The following MYH13 variants were observed in gnomAD, a reference collection of about 807,000 sequenced individuals.
The protein encoded by MYH13 is myosin-13.
MYH13 carries 177 observed loss-of-function variants against 232.1 expected under a neutral mutation model. The ratio of observed to expected loss-of-function variants is 0.76; its 90% CI spans 0.67 to 0.86. MYH13 has a LOEUF of 0.86. MYH13 is among the 40% of genes least tolerant of loss of function. The pLI, the probability that MYH13 is intolerant of heterozygous loss-of-function variation, is 0.00. For missense variants in MYH13, 2,246 were observed against 2,405.9 expected, an observed-to-expected ratio of 0.93 and a Z score of 1.39; for synonymous variants, 884 against 923.5, an observed-to-expected ratio of 0.96 and a Z score of 0.78.
rs926000508 is a variant in MYH13 at position 10,311,330 on chromosome 17, A to T, written c.4532-103T>A. 5 of 1,425,892 alleles carry T rather than the reference A, an allele frequency of 3.5e-6. No individual in the cohort carries two copies. The South Asian group carries it at 6.6e-5, about 19-fold the overall frequency. The allele number at this position is 1,425,892 out of a possible 1,614,324, so 88.3% of individuals were successfully genotyped here. ...GATGGGCGATTCATTCATGACATTT[A>T]TACAGGAGAGAATACAGGGCAGCCG... is the stretch of plus-strand genomic sequence containing the variant. On this transcript the variant is annotated intron_variant, in intron 32 of 40. Transcript: ENST00000252172.
At chr17:10,368,496 T>A (rs2071854803) in intron 2 of MYH13, among the ~76,000 whole-genome samples, 1 of 152,236 alleles carries the variant, frequency 6.6e-6, no homozygotes, top group Admixed American at 6.5e-5. Context: ...CATCAAACTT[T>A]GGTGGACTTC....
chr17:10,329,756 G>A (rs1242643911), intron 21 of MYH13, among the ~76,000 whole-genome samples: 1 of 152,012 alleles, frequency 6.6e-6, no homozygotes, highest in African/African-American at 2.4e-5. Context: ...GCCAAGGCGG[G>A]CGGATCACCT....
At chr17:10,361,419 G>A (rs1367774246) in intron 5 of MYH13, among the ~76,000 whole-genome samples, 1 of 151,904 alleles carries the variant, frequency 6.6e-6, no homozygotes, top group Admixed American at 6.6e-5. Flanking sequence ...AGCCTCCTGA[G>A]TAGCTGGGAT....
Position 10,304,660 on chromosome 17 carries a change from C to G in MYH13, c.5467-1162G>C, listed in dbSNP as rs1002460309. ...TGATAGACCCAAAGCAAGTCAGTCG[C>G]CACCACTGAGCATGAGTTTCTGTAT... On this transcript the variant is annotated intron_variant, in intron 37 of 40. Coordinates refer to ENST00000252172, the MANE Select transcript of MYH13 (RefSeq NM_003802.3). The surrounding 1 kb of genome is among the most constrained non-coding windows in gnomAD (Gnocchi z 5.3). Among the ~76,000 whole-genome samples the G allele has an allele frequency of 4.6e-5, 7 of 152,332 alleles. No homozygotes were observed. The East Asian group carries it at 1.3e-3, about 29-fold the overall frequency.
chr17:10,357,532 G>A (rs981174132), intron 8 of MYH13, among the ~76,000 whole-genome samples: 3 of 152,110 alleles, frequency 2.0e-5, no homozygotes, highest in African/African-American at 4.8e-5. Context: ...AGGGTAGGAC[G>A]GCAAATCCTC....
intron 35 of MYH13, among the ~76,000 whole-genome samples, chr17:10,307,634 G>T (rs1266562623): frequency 2.0e-5 from 3 of 152,126 alleles, no homozygotes; most frequent in African/African-American, 7.2e-5. Flanking sequence ...ACTCAGTGAG[G>T]TATGTTTCAG....
chr17:10,365,577 C>G (rs1051564960), intron 2 of MYH13, among the ~76,000 whole-genome samples: 11 of 152,226 alleles, frequency 7.2e-5, no homozygotes, highest in Non-Finnish European at 5.9e-5. Context: ...GGCATAGTGC[C>G]TTCCTGTTCC....
chr17:10,320,128 A>T (rs1326496511), intron 26 of MYH13, 25 bp downstream of exon 26: 2 of 1,540,720 alleles, frequency 1.3e-6, no homozygotes, highest in Non-Finnish European at 1.8e-6. Flanking sequence ...GATTGTCATG[A>T]TTGGGAAGGT....
At chr17:10,313,807 A>C (rs919890926) in intron 29 of MYH13, among the ~76,000 whole-genome samples, 1 of 152,170 alleles carries the variant, frequency 6.6e-6, no homozygotes, top group Non-Finnish European at 1.5e-5. Flanking sequence ...AAAGGGAATA[A>C]TTTTCTCACT....
intron 18 of MYH13, among the ~76,000 whole-genome samples, chr17:10,336,767 G>GT (rs2071578622): frequency 6.6e-6 from 1 of 152,068 alleles, no homozygotes; most frequent in African/African-American, 2.4e-5. Context: ...GAACCTGCTT[G>GT]GCCTGTTCAT....
intron 11 of MYH13, among the ~76,000 whole-genome samples, chr17:10,351,441 A>C (rs1387003346): frequency 6.6e-6 from 1 of 152,150 alleles, no homozygotes; most frequent in African/African-American, 2.4e-5. Context: ...GCATTATGGA[A>C]TATTAGATCT....
chr17:10,339,032 C>G (rs1215454220), intron 18 of MYH13, among the ~76,000 whole-genome samples: 1 of 152,152 alleles, frequency 6.6e-6, no homozygotes, highest in Non-Finnish European at 1.5e-5. Context: ...AAAGCTGAGG[C>G]AGAAAGTGCT....
Position 10,345,182 on chromosome 17 carries a change from A to C in MYH13, c.1584+20T>G, listed in dbSNP as rs773591223. 58 of 1,613,938 alleles carry C rather than the reference A, an allele frequency of 3.6e-5. No homozygotes were observed. Among genetic ancestry groups the C allele is most frequent in the Non-Finnish European group, 4.6e-5 (54 of 1,179,912 alleles). On this transcript the variant is annotated intron_variant, in intron 15 of 40. Coordinates refer to ENST00000252172, the MANE Select transcript of MYH13 (RefSeq NM_003802.3). ...GCCCCCAATAAGGAGGAGCTGTCCC[A>C]GGCAGCAGTATCTCTCTACCTTCTC...
At chr17:10,364,871 A>ACTTT (rs57405983) in intron 2 of MYH13, among the ~76,000 whole-genome samples, 2,315 of 151,818 alleles carry the variant, frequency 0.015, 45 homozygotes, top group Admixed American at 0.052. Context: ...TTCAGGAAGC[A>ACTTT]CTTTCTTTCT....
At position 10,364,440 on chromosome 17, in the gene MYH13, G is replaced by C; in HGVS notation, c.91C>G (p.Pro31Ala). 6.2e-7 allele frequency: 1 copy of C among 1,613,300 alleles called. No individual in the cohort carries two copies. Among genetic ancestry groups the C allele is most frequent in the Non-Finnish European group, 8.5e-7 (1 of 1,179,618 alleles). The stretch of plus-strand genomic sequence containing the variant: ...AAGCAGGCTTTCTTGGAATCGAATG[G>C]ACGATTTTGAGCCTCGATTCTCTCC... ...EKERIEAQNR[P>A]FDSKKACFVA... is the part of the protein sequence containing the mutation. Residue 31 changes from proline to alanine, a missense_variant, in exon 3 of 41, where the codon CCA (proline) becomes GCA (alanine). Pro to Ala is a conservative substitution (Grantham distance 27). Coordinates refer to ENST00000252172, the MANE Select transcript of MYH13 (RefSeq NM_003802.3).
At position 10,303,207 on chromosome 17, in the gene MYH13, C is replaced by T. The variant is rs1452680772; in HGVS notation, c.5656G>A (p.Ala1886Thr). Residue 1886 changes from alanine (A) to threonine (T), a missense_variant, in exon 39 of 41, where the codon GCT becomes ACT. Ala to Thr is a moderately conservative substitution (Grantham distance 58, BLOSUM62 0). Coordinates refer to ENST00000252172, the MANE Select transcript of MYH13 (RefSeq NM_003802.3). Reference protein sequence around the residue: ...QAKVKSYKRQAEEAEEQANTQ... With the variant: ...QAKVKSYKRQTEEAEEQANTQ... ...CCTCCTGTGCTTACCGCCTCCTCAGCCTGCCTCTTGTAAGACTTCACTTTG... is the reference window on the plus strand; with the variant it reads ...CCTCCTGTGCTTACCGCCTCCTCAGTCTGCCTCTTGTAAGACTTCACTTTG... 6.2e-7 allele frequency: 1 copy of T among 1,613,080 alleles called. No individual in the cohort carries two copies. Among genetic ancestry groups the T allele is most frequent in the Non-Finnish European group, 8.5e-7 (1 of 1,179,972 alleles).
At chr17:10,325,340 T>A (rs1231379376) in intron 22 of MYH13, among the ~76,000 whole-genome samples, 2 of 152,152 alleles carry the variant, frequency 1.3e-5, no homozygotes, top group Non-Finnish European at 2.9e-5. Context: ...TATTTTTAAA[T>A]ATATGGATTT....
rs375914636 is a variant in MYH13 at position 10,364,451 on chromosome 17, G to C, written c.80C>G (p.Ala27Gly). The change falls in exon 3 of 41, where the codon GCT (alanine) becomes GGT (glycine). Residue 27 changes from alanine to glycine, a missense_variant. Ala to Gly is a moderately conservative substitution (Grantham distance 60, BLOSUM62 0). Transcript: ENST00000252172. ...LRKPEKERIE[A>G]QNRPFDSKKA... ...CTTGGAATCGAATGGACGATTTTGA[G>C]CCTCGATTCTCTCCTTCTCTGGTTT... 1 of 1,612,758 alleles carries C rather than the reference G, an allele frequency of 6.2e-7. No homozygotes were observed. Among genetic ancestry groups the C allele is most frequent in the Admixed American group, 1.7e-5 (1 of 59,898 alleles).
chr17:10,313,466 C>T, intron 29 of MYH13, 112 bp from the exon 30 acceptor site: 1 of 1,506,480 alleles, frequency 6.6e-7, no homozygotes, highest in Non-Finnish European at 8.9e-7. Flanking sequence ...GCTGTCTTCA[C>T]CAATTTTGCC....
Sources: allele counts gnomAD v4.1 joint callset (sites outside exome capture counted in the v4.1 genomes callset), GRCh38; gene constraint gnomAD v4.1.1; non-coding constraint Gnocchi (gnomAD v3.1); transcripts MANE v1.5; gene names NCBI Gene and HGNC (gene_info 2026-07-23, HGNC 2026-07-21).